RASSF8: variants seen among roughly 807,000 people sequenced by gnomAD.
RASSF8 encodes the protein ras association domain-containing protein 8.
RASSF8 carries 22 observed loss-of-function variants against 48.5 expected under a neutral mutation model. The ratio of observed to expected loss-of-function variants is 0.45; its 90% confidence interval spans 0.32 to 0.65. The LOEUF is 0.65. Ranked by LOEUF, RASSF8 falls within the 30% of genes least tolerant of loss-of-function variation. RASSF8 has a pLI of 0.03. For synonymous variants in RASSF8, 127 were observed against 171.5 expected (o/e 0.74, Z 2.03); for missense variants, 418 against 489.2 (o/e 0.85, Z 1.37).
chr12:26,076,455 C>G (rs956196094), downstream of RASSF8, among the ~76,000 whole-genome samples: 3 of 152,106 alleles, frequency 2.0e-5, no homozygotes, highest in African/African-American at 7.2e-5. Flanking sequence ...GTGATGTTCC[C>G]CACCCTGTGT....
chr12:26,013,571 A>G (rs1184040447), intron 2 of RASSF8, among the ~76,000 whole-genome samples: 1 of 152,176 alleles, frequency 6.6e-6, no homozygotes, highest in Non-Finnish European at 1.5e-5. Context: ...ATTAGAAATC[A>G]TAATCATGGA....
At chr12:26,057,100 T>TTG (rs57510363) in intron 3 of RASSF8, among the ~76,000 whole-genome samples, 4,823 of 128,898 alleles carry the variant, frequency 0.037, 174 homozygotes, top group Admixed American at 0.12. Flanking sequence ...AATGACACTT[T>TTG]TGTGTGTGTG....
intron 2 of RASSF8, among the ~76,000 whole-genome samples, chr12:26,006,536 T>C (rs745683883): frequency 2.0e-5 from 3 of 152,242 alleles, no homozygotes; most frequent in Non-Finnish European, 4.4e-5. Context: ...TGTCTCGCTC[T>C]AGACGTGGAC....
At chr12:26,034,433 T>C (rs769707127) in intron 2 of RASSF8, among the ~76,000 whole-genome samples, 7 of 151,870 alleles carry the variant, frequency 4.6e-5, no homozygotes, top group African/African-American at 7.3e-5. Flanking sequence ...TCTCATGATG[T>C]TTTAAGAAAG....
At chr12:26,016,493 C>A (rs1338569310) in intron 2 of RASSF8, among the ~76,000 whole-genome samples, 1 of 152,048 alleles carries the variant, frequency 6.6e-6, no homozygotes, top group Non-Finnish European at 1.5e-5. Context: ...CAATTTGGAA[C>A]CTGGGGTACA....
At position 26,064,960 on chromosome 12, in the gene RASSF8, T is replaced by C. The variant is rs200253155; in HGVS notation, c.566T>C (p.Ile189Thr). 19 of 1,613,712 alleles carry C rather than the reference T, an allele frequency of 1.2e-5. No individual in the cohort carries two copies. Among genetic ancestry groups the C allele is most frequent in the Non-Finnish European group, 1.5e-5 (18 of 1,179,862 alleles). Residue 189 changes from isoleucine (I) to threonine (T), a missense_variant, in exon 4 of 6, where the codon ATA becomes ACA. By Grantham distance (89) the Ile-to-Thr change is moderately conservative. Coordinates refer to ENST00000689635, the MANE Select transcript of RASSF8 (RefSeq NM_001394098.1). ...GAGAAACAGCTGGAATCTAATGAAA[T>C]AGAAATAAGATTTTGGGAGCAAAAG... Reference protein sequence around the residue: ...SIEKQLESNEIEIRFWEQKYN... With the variant: ...SIEKQLESNETEIRFWEQKYN...
chr12:25,961,991 T>C (rs1366225431), intron 1 of RASSF8, among the ~76,000 whole-genome samples: 3 of 152,182 alleles, frequency 2.0e-5, no homozygotes, highest in African/African-American at 4.8e-5. Flanking sequence ...ATCTTTTTCC[T>C]TGGTGCGGTG....
chr12:26,017,692 A>G (rs1942684188), intron 2 of RASSF8, among the ~76,000 whole-genome samples: 1 of 152,218 alleles, frequency 6.6e-6, no homozygotes, highest in Non-Finnish European at 1.5e-5. Flanking sequence ...AGCTGGTCAC[A>G]GGAGAAGCTG....
intron 2 of RASSF8, among the ~76,000 whole-genome samples, chr12:26,026,974 G>T (rs1028467923): frequency 6.6e-6 from 1 of 152,088 alleles, no homozygotes; most frequent in African/African-American, 2.4e-5. Flanking sequence ...ATTCATAATA[G>T]CCAAAAATAG....
intron 1 of RASSF8, among the ~76,000 whole-genome samples, chr12:25,994,609 G>T (rs985570543): frequency 7.2e-5 from 11 of 152,268 alleles, no homozygotes; most frequent in African/African-American, 2.6e-4. Context: ...TAGGACTGAA[G>T]ACCTGAGAGG....
intron 1 of RASSF8, among the ~76,000 whole-genome samples, chr12:25,988,664 G>T (rs1381138852): frequency 6.6e-6 from 1 of 152,218 alleles, no homozygotes; most frequent in African/African-American, 2.4e-5. Flanking sequence ...TGCACTGCCA[G>T]TTCAGGAAAT....
At chr12:26,003,773 A>G (rs575511581) in intron 2 of RASSF8, among the ~76,000 whole-genome samples, 5 of 152,174 alleles carry the variant, frequency 3.3e-5, no homozygotes, top group Admixed American at 3.3e-4. Context: ...TTATATATAG[A>G]TTATATTTTT....
At chr12:26,007,353 T>C (rs538816246) in intron 2 of RASSF8, among the ~76,000 whole-genome samples, 7 of 152,310 alleles carry the variant, frequency 4.6e-5, no homozygotes, top group African/African-American at 1.7e-4. Context: ...TTCACCATTG[T>C]CTTTCATAGT....
intron 2 of RASSF8, among the ~76,000 whole-genome samples, chr12:26,035,377 A>ATT (rs990281011): frequency 6.9e-6 from 1 of 144,278 alleles, no homozygotes; most frequent in Admixed American, 7.2e-5. Context: ...AAATTATATA[A>ATT]TCATATAATA....
At position 26,035,039 on chromosome 12, in the gene RASSF8, C is replaced by T. The variant is rs1341568516; in HGVS notation, c.-108-20197C>T. Among the ~76,000 whole-genome samples, 18 of 152,214 alleles carry T rather than the reference C, an allele frequency of 1.2e-4. 1 individual carries two copies. Among genetic ancestry groups the T allele is most frequent in the Admixed American group, 1.2e-3 (18 of 15,296 alleles). On this transcript the variant is annotated intron_variant, in intron 2 of 5. Transcript: ENST00000689635. ...GATTACTCTGGTGTTGCCCTATAAACTTTAATAGACGTTTTTCCAGTTGTC... is the reference window on the plus strand; with the variant it reads ...GATTACTCTGGTGTTGCCCTATAAATTTTAATAGACGTTTTTCCAGTTGTC...
intron 4 of RASSF8, among the ~76,000 whole-genome samples, chr12:26,066,109 A>C (rs1422591044): frequency 6.6e-6 from 1 of 152,222 alleles, no homozygotes; most frequent in African/African-American, 2.4e-5. Flanking sequence ...TAAGGCAGTT[A>C]AATTATTAAA....
intron 2 of RASSF8, among the ~76,000 whole-genome samples, chr12:26,049,387 T>A (rs1241312381): frequency 6.6e-6 from 1 of 152,260 alleles, no homozygotes; most frequent in African/African-American, 2.4e-5. Flanking sequence ...AGATTTTGTT[T>A]TTCCTTGAAT....
chr12:25,981,873 C>T (rs1245145463), intron 1 of RASSF8, among the ~76,000 whole-genome samples: 2 of 152,180 alleles, frequency 1.3e-5, no homozygotes, highest in Non-Finnish European at 2.9e-5. Context: ...TTAACTTTAA[C>T]CTGCTCTTAG....
rs73282910 is a variant in RASSF8 at position 26,056,277 on chromosome 12, C to A, written c.103+831C>A. Among the ~76,000 whole-genome samples the A allele has an allele frequency of 2.7e-3, 414 of 152,280 alleles. 3 individuals are homozygous for A. The highest frequency in any genetic ancestry group is 9.3e-3 in the African/African-American group (388 of 41,554). On this transcript the variant is annotated intron_variant, in intron 3 of 5. Transcript: ENST00000689635. Reference sequence around the variant, plus strand: ...CTCCCACCATGTTTTACCCTTTCTTCTTATTTATTTTAAGCTTATCTTCAT... The same window carrying A: ...CTCCCACCATGTTTTACCCTTTCTTATTATTTATTTTAAGCTTATCTTCAT...
Sources: gnomAD v4.1 joint callset for allele counts (sites outside exome capture counted in the v4.1 genomes callset) on GRCh38, gnomAD v4.1.1 for gene constraint, MANE v1.5 for transcripts, NCBI Gene and HGNC (gene_info 2026-07-23, HGNC 2026-07-21) for gene names.